Variants in JARID2 observed in about 807,000 individuals in gnomAD.
The protein encoded by JARID2 is protein Jumonji.
A neutral mutation model predicts 125.6 loss-of-function variants in JARID2; 21 were observed. The observed-to-expected ratio is 0.17, with a 90% CI of 0.12 to 0.24. The LOEUF is 0.24. Ranked by LOEUF, JARID2 falls within the 10% of genes least tolerant of loss-of-function variation. The pLI is 1.00. For missense variants in JARID2, 1,303 were observed against 1,639.6 expected, an observed-to-expected ratio of 0.79 and a Z score of 3.55; for synonymous variants, 736 against 661.6, an observed-to-expected ratio of 1.11 and a Z score of -1.73.
intron 3 of JARID2, among the ~76,000 whole-genome samples, chr6:15,433,762 G>A (rs912807484): frequency 6.6e-6 from 1 of 152,030 alleles, no homozygotes. Flanking sequence ...GGGATATGGG[G>A]GGAAAATTTG....
intron 2 of JARID2, among the ~76,000 whole-genome samples, chr6:15,379,698 T>C (rs1368951617): frequency 1.3e-5 from 2 of 152,232 alleles, no homozygotes; most frequent in Admixed American, 6.5e-5. Flanking sequence ...TTGCCAGTTA[T>C]TGTTCTAGTA....
rs968333653 is a variant in JARID2, at chr6:15,246,218, AAG to A, written c.-321_-320del. On this transcript the variant is annotated 5_prime_UTR_variant, in exon 1 of 18. Coordinates refer to ENST00000341776, the MANE Select transcript of JARID2 (RefSeq NM_004973.4). ...TCGCTGATGTAGTTTTTGGAGGAAA[AAG>A]GGGGGGGAGTGAAGGGCGTCGGTTT... is the stretch of plus-strand genomic sequence containing the variant. 8.5e-6 allele frequency: 4 copies of A among 468,088 alleles called. No individual in the cohort carries two copies. Among genetic ancestry groups the A allele is most frequent in the African/African-American group, 4.1e-5 (2 of 49,104 alleles). The allele number at this position is 468,088 out of a possible 1,614,324, so 29.0% of individuals were successfully genotyped here.
chr6:15,386,581 C>G (rs1764797709), intron 2 of JARID2, among the ~76,000 whole-genome samples: 1 of 152,224 alleles, frequency 6.6e-6, no homozygotes, highest in Non-Finnish European at 1.5e-5. Flanking sequence ...GGTGATCCCC[C>G]CTCCTACTGG....
At chr6:15,280,351 C>G (rs1293022324) in intron 1 of JARID2, among the ~76,000 whole-genome samples, 3 of 151,912 alleles carry the variant, frequency 2.0e-5, no homozygotes, top group Non-Finnish European at 4.4e-5. Context: ...TTTTTCCCTT[C>G]CAATTTAGAA....
intron 1 of JARID2, among the ~76,000 whole-genome samples, chr6:15,308,531 A>T (rs1761911123): frequency 6.6e-6 from 1 of 152,234 alleles, no homozygotes; most frequent in South Asian, 2.1e-4. Context: ...ATCCAGAAAG[A>T]GAGAGTCCTG....
At chr6:15,336,780 T>A (rs1374836799) in intron 1 of JARID2, among the ~76,000 whole-genome samples, 1 of 152,014 alleles carries the variant, frequency 6.6e-6, no homozygotes, top group Non-Finnish European at 1.5e-5. Context: ...CCATCTGGGC[T>A]CAAGTGATCC....
intron 1 of JARID2, among the ~76,000 whole-genome samples, chr6:15,333,119 A>G (rs1038454480): frequency 7.3e-5 from 11 of 151,584 alleles, no homozygotes; most frequent in South Asian, 2.1e-4. Flanking sequence ...TTTTTAGTAG[A>G]GACGGGGTTT....
intron 1 of JARID2, among the ~76,000 whole-genome samples, chr6:15,370,829 T>C (rs1357071100): frequency 6.6e-6 from 1 of 152,174 alleles, no homozygotes; most frequent in Non-Finnish European, 1.5e-5. Context: ...GATTATAAGG[T>C]AAGGATGATT....
At chr6:15,354,697 A>G (rs775119213) in intron 1 of JARID2, among the ~76,000 whole-genome samples, 2 of 152,172 alleles carry the variant, frequency 1.3e-5, no homozygotes, top group Non-Finnish European at 2.9e-5. Flanking sequence ...AAAAGTGTAC[A>G]GTATATCGAA....
At chr6:15,512,422 C>T (rs766053462) in intron 14 of JARID2, 32 bp downstream of exon 14, 37 of 1,603,148 alleles carry the variant, frequency 2.3e-5, no homozygotes, top group African/African-American at 5.3e-5. Flanking sequence ...CCGCTTGCTG[C>T]CCCCGCATCC....
intron 3 of JARID2, among the ~76,000 whole-genome samples, chr6:15,440,747 C>T (rs1466200962): frequency 1.3e-5 from 2 of 152,120 alleles, no homozygotes; most frequent in South Asian, 2.1e-4. Context: ...GAGAATGTGC[C>T]GTTGTTTCAG....
At chr6:15,390,761 A>G (rs1441072459) in intron 2 of JARID2, among the ~76,000 whole-genome samples, 4 of 151,912 alleles carry the variant, frequency 2.6e-5, no homozygotes, top group Non-Finnish European at 5.9e-5. Context: ...CTGGGCATCT[A>G]CCCTCCTGCC....
intron 1 of JARID2, among the ~76,000 whole-genome samples, chr6:15,310,980 C>G (rs556318155): frequency 6.6e-6 from 1 of 152,086 alleles, no homozygotes; most frequent in Non-Finnish European, 1.5e-5. Context: ...GAATGGGAAC[C>G]GTCATAGAGT....
At chr6:15,467,834 A>AT (rs150066858) in intron 4 of JARID2, among the ~76,000 whole-genome samples, 20,002 of 152,138 alleles carry the variant, frequency 0.13, 1,918 homozygotes, top group African/African-American at 0.27. Context: ...TATTGAGCTT[A>AT]TTTTTTTGTT....
At chr6:15,315,813 C>G (rs1408200435) in intron 1 of JARID2, among the ~76,000 whole-genome samples, 1 of 152,194 alleles carries the variant, frequency 6.6e-6, no homozygotes, top group Non-Finnish European at 1.5e-5. Context: ...GTAGTGTGTG[C>G]TAACTGGGCC....
At chr6:15,273,966 T>G (rs1477781814) in intron 1 of JARID2, among the ~76,000 whole-genome samples, 1 of 151,132 alleles carries the variant, frequency 6.6e-6, no homozygotes, top group Admixed American at 6.6e-5. Context: ...TCTCGCCCTG[T>G]CACCCAGGCT....
intron 1 of JARID2, among the ~76,000 whole-genome samples, chr6:15,284,406 T>A (rs888131012): frequency 1.3e-5 from 2 of 152,126 alleles, no homozygotes; most frequent in Admixed American, 6.5e-5. Flanking sequence ...TTTTCATACA[T>A]CCCATGGATA....
rs1244888423 is a variant in JARID2 at position 15,501,271 on chromosome 6, C to T, written c.2310C>T (p.Phe770=). ...LIHGVAPRNG[F]RSKLKEVGQA... is the part of the protein sequence containing the mutation. ...ACGGCGTGGCCCCCAGGAACGGCTT[C>T]CGCAGCAAGCTCAAGGAGGTGGGCC... Residue 770 remains phenylalanine (F), a synonymous_variant, in exon 8 of 18, where the codon TTC becomes TTT. Coordinates refer to ENST00000341776, the MANE Select transcript of JARID2 (RefSeq NM_004973.4). 1 of 1,613,574 alleles carries T rather than the reference C, an allele frequency of 6.2e-7. No homozygotes were observed. Among genetic ancestry groups the T allele is most frequent in the Admixed American group, 1.7e-5 (1 of 60,020 alleles).
chr6:15,341,619 G>C (rs558648338), intron 1 of JARID2, among the ~76,000 whole-genome samples: 5 of 152,118 alleles, frequency 3.3e-5, no homozygotes, highest in Non-Finnish European at 7.4e-5. Context: ...TCTTGGTGGG[G>C]GGTAATACTG....
Sources: gnomAD v4.1 joint callset for allele counts (sites outside exome capture counted in the v4.1 genomes callset) on GRCh38, gnomAD v4.1.1 for gene constraint, MANE v1.5 for transcripts, NCBI Gene and HGNC (gene_info 2026-07-23, HGNC 2026-07-21) for gene names.